FAM163A: variants seen among roughly 807,000 people sequenced by gnomAD.
FAM163A encodes family with sequence similarity 163 member A, also known as protein FAM163A.
Under a neutral mutation model 12.0 loss-of-function variants are expected in FAM163A, and 7 were observed. That is an observed-to-expected ratio of 0.58 (90% CI 0.33 to 1.10). FAM163A has a LOEUF of 1.10. Ranked by LOEUF, FAM163A falls within the 50% of genes least tolerant of loss-of-function variation. The pLI, the probability that FAM163A is intolerant of heterozygous loss-of-function variation, is 0.03. For missense variants in FAM163A, 202 were observed against 218.6 expected (o/e 0.92, Z 0.48); for synonymous variants, 101 against 91.0 (o/e 1.11, Z -0.62).
chr1:179,773,022 A>G (rs1292916539), intron 1 of FAM163A, among the ~76,000 whole-genome samples: 1 of 148,790 alleles, frequency 6.7e-6, no homozygotes, highest in Non-Finnish European at 1.5e-5. Context: ...GAATTTGGTC[A>G]CATGGCCATA....
At chr1:179,728,655 T>G in the FAM163A span, among the ~76,000 whole-genome samples, 1 of 152,296 alleles carries the variant, frequency 6.6e-6, no homozygotes, top group Non-Finnish European at 1.5e-5. Flanking sequence ...TTTGTTTGTT[T>G]TTGGTCTTTC....
chr1:179,746,729 A>G (rs1335931523), intron 1 of FAM163A, among the ~76,000 whole-genome samples: 1 of 152,192 alleles, frequency 6.6e-6, no homozygotes, highest in Admixed American at 6.5e-5. Context: ...TCCCTCAAAC[A>G]CTTTTCCAGC....
chr1:179,757,645 C>T (rs1269677740), intron 1 of FAM163A, among the ~76,000 whole-genome samples: 3 of 152,118 alleles, frequency 2.0e-5, no homozygotes, highest in South Asian at 2.1e-4. Flanking sequence ...AACTCCATCT[C>T]TATTAAAAAT....
chr1:179,739,249 C>T (rs1395661874), upstream of FAM163A, among the ~76,000 whole-genome samples: 3 of 151,938 alleles, frequency 2.0e-5, no homozygotes, highest in Admixed American at 6.6e-5. Flanking sequence ...GGGTTTAGGG[C>T]TAGCCAGAAA....
the FAM163A span, among the ~76,000 whole-genome samples, chr1:179,737,558 G>A: frequency 6.6e-6 from 1 of 152,176 alleles, no homozygotes; most frequent in African/African-American, 2.4e-5. Flanking sequence ...AAAAGCAGCT[G>A]GGCGCGGTGG....
the FAM163A span, among the ~76,000 whole-genome samples, chr1:179,735,021 T>C: frequency 6.6e-6 from 1 of 152,208 alleles, no homozygotes; most frequent in African/African-American, 2.4e-5. Context: ...AAAAAGTTTA[T>C]ATTAGAACTT....
rs577796294 is a variant in FAM163A at position 179,753,072 on chromosome 1, T to A, written c.-136+9649T>A. The stretch of plus-strand genomic sequence containing the variant: ...CCACTCTATGTATACACCACATTTT[T>A]AAAAAATCCATGCATAGTGGATTTA... On this transcript the variant is annotated intron_variant, in intron 1 of 4. Coordinates refer to ENST00000341785, the MANE Select transcript of FAM163A (RefSeq NM_173509.3). 3.3e-5 allele frequency among the ~76,000 whole-genome samples: 5 copies of A among 152,302 alleles called. No homozygotes were observed. In the East Asian group the frequency reaches 5.8e-4, roughly 18 times the overall value.
At chr1:179,746,071 T>C (rs905556042) in intron 1 of FAM163A, among the ~76,000 whole-genome samples, 4 of 152,248 alleles carry the variant, frequency 2.6e-5, no homozygotes, top group African/African-American at 9.6e-5. Context: ...TAATTTCTTA[T>C]TAAGTACAAA....
At chr1:179,753,171 T>A (rs1685525092) in intron 1 of FAM163A, among the ~76,000 whole-genome samples, 1 of 152,170 alleles carries the variant, frequency 6.6e-6, no homozygotes, top group Admixed American at 6.5e-5. Flanking sequence ...GCAACACAGA[T>A]GAACCTTGAA....
intron 1 of FAM163A, among the ~76,000 whole-genome samples, chr1:179,790,890 C>T (rs753738410): frequency 2.0e-5 from 3 of 152,054 alleles, no homozygotes; most frequent in African/African-American, 4.8e-5. Flanking sequence ...CTCCAAAACC[C>T]GGAATATTCT....
At chr1:179,765,862 T>G (rs914611176) in intron 1 of FAM163A, among the ~76,000 whole-genome samples, 10 of 152,108 alleles carry the variant, frequency 6.6e-5, no homozygotes, top group African/African-American at 2.2e-4. Flanking sequence ...TCAGAATGGC[T>G]GGCCTGAAAT....
chr1:179,755,989 T>C (rs1685972358), intron 1 of FAM163A, among the ~76,000 whole-genome samples: 1 of 152,228 alleles, frequency 6.6e-6, no homozygotes, highest in South Asian at 2.1e-4. Flanking sequence ...CAGGTGCTGA[T>C]AGTTCAACAC....
At chr1:179,769,388 A>G (rs1051886907) in intron 1 of FAM163A, among the ~76,000 whole-genome samples, 3 of 152,020 alleles carry the variant, frequency 2.0e-5, no homozygotes, top group Middle Eastern at 3.4e-3. Flanking sequence ...CCTGGGCTCA[A>G]ATGGTCCTCC....
chr1:179,799,941 G>A (rs1358073271), intron 1 of FAM163A, among the ~76,000 whole-genome samples: 1 of 152,252 alleles, frequency 6.6e-6, no homozygotes, highest in African/African-American at 2.4e-5. Flanking sequence ...TCTGGGAGCT[G>A]GGGCAGGTGG....
In FAM163A at chr1:179,783,415, C is replaced by T. The variant is rs1274906979; in HGVS notation, c.-135-24383C>T. On this transcript the variant is annotated intron_variant, in intron 1 of 4. Coordinates refer to ENST00000341785, the MANE Select transcript of FAM163A (RefSeq NM_173509.3). The stretch of plus-strand genomic sequence containing the variant: ...AGGTGGCAGTGAAATTTTGTAAAAC[C>T]GTTTGGGAAAATAGTTTGACAATGT... Among the ~76,000 whole-genome samples the T allele has an allele frequency of 2.0e-5, 3 of 152,052 alleles. No individual in the cohort carries two copies. The South Asian group carries it at 6.2e-4, about 31-fold the overall frequency.
intron 2 of FAM163A, among the ~76,000 whole-genome samples, chr1:179,809,784 C>T (rs1449662863): frequency 2.6e-5 from 4 of 152,192 alleles, no homozygotes; most frequent in Non-Finnish European, 4.4e-5. Context: ...CCATAAGCAG[C>T]CCTCAGCGAC....
At chr1:179,769,650 G>A (rs572807662) in intron 1 of FAM163A, among the ~76,000 whole-genome samples, 49 of 152,252 alleles carry the variant, frequency 3.2e-4, no homozygotes, top group East Asian at 1.9e-4. Flanking sequence ...CTGCGGGAAC[G>A]GCACCAGCAG....
chr1:179,753,859 T>A (rs1415289386), intron 1 of FAM163A, among the ~76,000 whole-genome samples: 1 of 152,178 alleles, frequency 6.6e-6, no homozygotes, highest in Non-Finnish European at 1.5e-5. Context: ...ATTAACTGTG[T>A]GATATTGAGC....
intron 1 of FAM163A, among the ~76,000 whole-genome samples, chr1:179,782,144 G>T (rs907092399): frequency 6.6e-6 from 1 of 152,204 alleles, no homozygotes; most frequent in South Asian, 2.1e-4. Context: ...CTCACGGGCC[G>T]GGTGGAGTGA....
Sources: allele counts gnomAD v4.1 joint callset (sites outside exome capture counted in the v4.1 genomes callset), GRCh38; gene constraint gnomAD v4.1.1; transcripts MANE v1.5; gene names NCBI Gene and HGNC (gene_info 2026-07-23, HGNC 2026-07-21).